SLC35F3: variants seen among roughly 807,000 people sequenced by gnomAD.
SLC35F3 encodes the protein putative thiamine transporter SLC35F3.
A neutral mutation model predicts 49.9 loss-of-function variants in SLC35F3; 25 were observed. That is an observed-to-expected ratio of 0.50 (90% CI 0.37 to 0.70). The LOEUF (loss-of-function observed/expected upper bound fraction) is 0.70. Ranked by LOEUF, SLC35F3 falls within the 30% of genes least tolerant of loss-of-function variation. The pLI is 0.00. For missense variants in SLC35F3, 525 were observed against 639.8 expected, an observed-to-expected ratio of 0.82 and a Z score of 1.94; for synonymous variants, 275 against 265.4, an observed-to-expected ratio of 1.04 and a Z score of -0.35.
intron 2 of SLC35F3, among the ~76,000 whole-genome samples, chr1:233,981,307 G>A (rs368283902): frequency 1.3e-5 from 2 of 152,106 alleles, no homozygotes; most frequent in Admixed American, 6.6e-5. Flanking sequence ...TCACAGTCAC[G>A]CTTACTCCTT....
At chr1:234,053,504 C>T (rs1664409235) in intron 2 of SLC35F3, among the ~76,000 whole-genome samples, 1 of 152,124 alleles carries the variant, frequency 6.6e-6, no homozygotes, top group African/African-American at 2.4e-5. Context: ...GTTGATCTTC[C>T]TCCATCCCTT....
intron 2 of SLC35F3, among the ~76,000 whole-genome samples, chr1:233,940,865 C>T (rs188053344): frequency 1.3e-5 from 2 of 152,254 alleles, no homozygotes; most frequent in African/African-American, 2.4e-5. Context: ...AGAGAATGCA[C>T]ATTAATATTA....
Position 233,928,743 on chromosome 1 carries a change from C to T in SLC35F3, c.283+22985C>T, listed in dbSNP as rs577675658. Among the ~76,000 whole-genome samples, 207 of 152,186 alleles carry T rather than the reference C, an allele frequency of 1.4e-3. 1 individual carries two copies. Among genetic ancestry groups the T allele is most frequent in the South Asian group, 3.1e-3 (15 of 4,796 alleles). On this transcript the variant is annotated intron_variant, in intron 2 of 7. Transcript: ENST00000366618. ...TATGAAAGGGGTTCATTATAGGGCCCTTTCAAAAGGAGAGCTTCTCTGATA... is the reference window on the plus strand; with the variant it reads ...TATGAAAGGGGTTCATTATAGGGCCTTTTCAAAAGGAGAGCTTCTCTGATA...
chr1:234,056,107 AC>A (rs1664453828), intron 2 of SLC35F3, among the ~76,000 whole-genome samples: 1 of 151,706 alleles, frequency 6.6e-6, no homozygotes, highest in South Asian at 2.1e-4. Context: ...TGTCTCTTTT[AC>A]TTTTGTTTAT....
At chr1:234,153,589 A>G (rs1277609425) in intron 2 of SLC35F3, among the ~76,000 whole-genome samples, 1 of 152,212 alleles carries the variant, frequency 6.6e-6, no homozygotes, top group Non-Finnish European at 1.5e-5. Context: ...CAAATGAGCA[A>G]TTATGATATA....
At chr1:233,984,012 C>T (rs1338069145) in intron 2 of SLC35F3, among the ~76,000 whole-genome samples, 2 of 152,212 alleles carry the variant, frequency 1.3e-5, no homozygotes, top group African/African-American at 2.4e-5. Context: ...ACTGTTGCCC[C>T]AACCACATCC....
chr1:234,015,172 C>G (rs1262607432), intron 2 of SLC35F3, among the ~76,000 whole-genome samples: 1 of 151,978 alleles, frequency 6.6e-6, no homozygotes, highest in Non-Finnish European at 1.5e-5. Flanking sequence ...ATGGTGAAAC[C>G]CTGTCTCTAC....
At chr1:233,963,382 G>T (rs1464718483) in intron 2 of SLC35F3, among the ~76,000 whole-genome samples, 1 of 151,402 alleles carries the variant, frequency 6.6e-6, no homozygotes, top group African/African-American at 2.4e-5. Flanking sequence ...CTCACTGCAA[G>T]CTCCGCCTCC....
intron 2 of SLC35F3, among the ~76,000 whole-genome samples, chr1:233,950,464 C>T (rs1662586245): frequency 7.0e-6 from 1 of 143,056 alleles, no homozygotes; most frequent in African/African-American, 2.6e-5. Flanking sequence ...TTCTTTCCTT[C>T]CTTCCTTCCT....
chr1:234,131,573 G>C (rs944029097), intron 2 of SLC35F3, among the ~76,000 whole-genome samples: 1 of 152,188 alleles, frequency 6.6e-6, no homozygotes, highest in African/African-American at 2.4e-5. Flanking sequence ...TGGAACTTGA[G>C]TTAAAGACTG....
rs2102950976 is a variant in SLC35F3 at position 234,231,650 on chromosome 1, G to T, written c.517G>T (p.Ala173Ser). The T allele has an allele frequency of 6.2e-7, 1 of 1,614,210 alleles. No homozygotes were observed. Among genetic ancestry groups the T allele is most frequent in the African/African-American group, 1.3e-5 (1 of 75,056 alleles). Residue 173 changes from alanine to serine, a missense_variant, in exon 3 of 8, where the codon GCC (alanine) becomes TCC (serine). Coordinates refer to ENST00000366618, the MANE Select transcript of SLC35F3 (RefSeq NM_173508.4). The surrounding 1 kb of genome is among the most constrained non-coding windows in gnomAD (Gnocchi z 5.4). ...CGCGCCCTTCACCCTCACGTGGTTT[G>T]CCACCAACTGGAACTTTTTATTCTT... The part of the protein sequence containing the change: ...FDAPFTLTWF[A>S]TNWNFLFFPL...
intron 2 of SLC35F3, among the ~76,000 whole-genome samples, chr1:234,230,259 T>C (rs1572105138): frequency 6.6e-6 from 1 of 152,342 alleles, no homozygotes; most frequent in East Asian, 1.9e-4. Flanking sequence ...ATAGATTACA[T>C]TGAATCACAA....
intron 2 of SLC35F3, among the ~76,000 whole-genome samples, chr1:234,142,856 T>A (rs921160862): frequency 6.6e-6 from 1 of 152,216 alleles, no homozygotes; most frequent in Non-Finnish European, 1.5e-5. Flanking sequence ...ATTAAAAGAT[T>A]GAGTTATATA....
At chr1:234,279,340 C>A (rs1668265856) in intron 3 of SLC35F3, among the ~76,000 whole-genome samples, 1 of 152,150 alleles carries the variant, frequency 6.6e-6, no homozygotes, top group Admixed American at 6.5e-5. Context: ...CTTGACTTTT[C>A]CCTTTAGGTT....
chr1:234,299,564 G>A (rs1001063621), intron 3 of SLC35F3, among the ~76,000 whole-genome samples: 3 of 152,084 alleles, frequency 2.0e-5, no homozygotes, highest in Non-Finnish European at 2.9e-5. Context: ...CCAGCACTTT[G>A]GGAGGCCAAG....
chr1:234,035,796 A>G (rs1450418937), intron 2 of SLC35F3, among the ~76,000 whole-genome samples: 4 of 152,130 alleles, frequency 2.6e-5, no homozygotes, highest in Non-Finnish European at 5.9e-5. Context: ...TTCTATCCTC[A>G]TTTCGTGGAT....
intron 2 of SLC35F3, among the ~76,000 whole-genome samples, chr1:234,224,319 G>A (rs1409530165): frequency 1.3e-5 from 2 of 152,068 alleles, no homozygotes; most frequent in Non-Finnish European, 2.9e-5. Context: ...CACCCATCTC[G>A]GCCTCCCAAA....
intron 3 of SLC35F3, among the ~76,000 whole-genome samples, chr1:234,233,846 T>G (rs1054050240): frequency 1.4e-4 from 20 of 140,418 alleles, no homozygotes; most frequent in Non-Finnish European, 2.8e-4. Context: ...AAAAAGTTGT[T>G]TTGTTTTGTT....
chr1:233,928,250 C>T (rs895604441), intron 2 of SLC35F3, among the ~76,000 whole-genome samples: 35 of 152,154 alleles, frequency 2.3e-4, no homozygotes, highest in African/African-American at 8.4e-4. Flanking sequence ...ATTTTCTGAG[C>T]ACTGAGGTCA....
Sources: allele counts gnomAD v4.1 joint callset (sites outside exome capture counted in the v4.1 genomes callset), GRCh38; gene constraint gnomAD v4.1.1; non-coding constraint Gnocchi (gnomAD v3.1); transcripts MANE v1.5; gene names NCBI Gene and HGNC (gene_info 2026-07-23, HGNC 2026-07-21).